The following OR51B5 variants were observed in gnomAD, a reference collection of about 807,000 sequenced individuals.
OR51B5 encodes the protein olfactory receptor 51B5.
For missense variants in OR51B5, 456 were observed against 374.6 expected (o/e 1.22, Z -1.79); for synonymous variants, 186 against 144.8 (o/e 1.28, Z -2.04).
intron 1 of OR51B5, among the ~76,000 whole-genome samples, chr11:5,462,515 G>A (rs188435245): frequency 7.6e-4 from 116 of 152,272 alleles, no homozygotes; most frequent in African/African-American, 2.7e-3. Flanking sequence ...CTCTACTATG[G>A]CAAGAACTTC....
chr11:5,395,588 A>C (rs1399047345), intron 1 of OR51B5, among the ~76,000 whole-genome samples: 1 of 152,172 alleles, frequency 6.6e-6, no homozygotes, highest in East Asian at 1.9e-4. Context: ...GCAGGCAAGG[A>C]AACATAATCT....
intron 1 of OR51B5, chr11:5,454,486 G>GTCATCA (rs897121807): frequency 7.7e-7 from 1 of 1,292,992 alleles, no homozygotes; most frequent in African/African-American, 1.5e-5. Context: ...CAGTAGCATC[G>GTCATCA]TCATCATCAT....
At chr11:5,433,271 GA>G (rs151137401) in intron 1 of OR51B5, among the ~76,000 whole-genome samples, 3,054 of 152,300 alleles carry the variant, frequency 0.02, 91 homozygotes, top group African/African-American at 0.064. Context: ...ATCCCAGTCA[GA>G]AGGTTGAAAT....
chr11:5,385,754 CA>C (rs1849680929), intron 1 of OR51B5, among the ~76,000 whole-genome samples: 2 of 148,614 alleles, frequency 1.3e-5, no homozygotes, highest in African/African-American at 2.5e-5. Flanking sequence ...TATTTGTTTA[CA>C]TATATAAATA....
rs182811387 is a variant in OR51B5 at position 5,457,093 on chromosome 11, T to C, written n.84+48476A>G. ...AATGTGAAAATGAATTAATACAGCA[T>C]AGTACCCCAAAGGTAGTTTTTTGAA... On this transcript the variant is annotated intron_variant and non_coding_transcript_variant, in intron 1 of 4. Transcript: ENST00000415970. Among the ~76,000 whole-genome samples the C allele has an allele frequency of 1.1e-4, 17 of 152,316 alleles. No individual in the cohort carries two copies. The East Asian group carries it at 3.3e-3, about 29-fold the overall frequency.
intron 1 of OR51B5, chr11:5,441,268 C>T (rs149139738): frequency 1.0e-3 from 1,649 of 1,613,934 alleles, no homozygotes; most frequent in Non-Finnish European, 1.3e-3. Context: ...GTAGAAATCA[C>T]AGTGGGAAGT....
At chr11:5,424,824 T>C (rs1167045303) in intron 1 of OR51B5, among the ~76,000 whole-genome samples, 2 of 76,130 alleles carry the variant, frequency 2.6e-5, no homozygotes, top group African/African-American at 9.1e-5. Flanking sequence ...TACTAAAAAA[T>C]AGAAAAAATT....
At chr11:5,488,710 T>A (rs777584613) in intron 1 of OR51B5, 1 of 1,610,006 alleles carries the variant, frequency 6.2e-7, no homozygotes, top group Admixed American at 1.7e-5. Context: ...AGGAAGAATG[T>A]CAGATTCCAA....
intron 1 of OR51B5, among the ~76,000 whole-genome samples, chr11:5,465,709 A>G (rs546704243): frequency 7.0e-6 from 1 of 143,348 alleles, no homozygotes; most frequent in Admixed American, 7.1e-5. Flanking sequence ...CAATGGAGAA[A>G]GGATTCCCTA....
At chr11:5,394,150 A>G (rs1485478672) in intron 1 of OR51B5, among the ~76,000 whole-genome samples, 1 of 152,150 alleles carries the variant, frequency 6.6e-6, no homozygotes, top group African/African-American at 2.4e-5. Flanking sequence ...TCTATTTTGC[A>G]TATCATGGTT....
At chr11:5,454,379 G>A in intron 1 of OR51B5, 4 of 1,612,236 alleles carry the variant, frequency 2.5e-6, no homozygotes, top group East Asian at 2.2e-5. Flanking sequence ...CCAAGACAAA[G>A]GAAATCCGCC....
chr11:5,503,234 T>C (rs7479979), intron 1 of OR51B5, among the ~76,000 whole-genome samples: 3,327 of 152,292 alleles, frequency 0.022, 119 homozygotes, highest in African/African-American at 0.073. Context: ...ATACACTCGA[T>C]TGCATGAGCA....
chr11:5,375,791 G>A (rs1849517262), intron 1 of OR51B5, among the ~76,000 whole-genome samples: 2 of 152,090 alleles, frequency 1.3e-5, no homozygotes, highest in South Asian at 4.2e-4. Context: ...CCCAATACAG[G>A]AGCACCCAGA....
chr11:5,446,174 A>G (rs1402886471), intron 1 of OR51B5, among the ~76,000 whole-genome samples: 1 of 152,142 alleles, frequency 6.6e-6, no homozygotes, highest in Non-Finnish European at 1.5e-5. Flanking sequence ...TAATGGGTGC[A>G]GCACACCAAC....
intron 1 of OR51B5, among the ~76,000 whole-genome samples, chr11:5,408,671 G>GA (rs1277581377): frequency 1.3e-4 from 19 of 151,492 alleles, no homozygotes; most frequent in South Asian, 2.1e-4. Flanking sequence ...AATGTATCCA[G>GA]AAAAAAAAGA....
At chr11:5,441,133 T>C (rs747122118) in intron 1 of OR51B5, 2 of 1,613,892 alleles carry the variant, frequency 1.2e-6, no homozygotes, top group Non-Finnish European at 1.7e-6. Flanking sequence ...GGATAACAAA[T>C]AGCCACAAAG....
chr11:5,442,999 C>A (rs1401765723), intron 1 of OR51B5, among the ~76,000 whole-genome samples: 1 of 152,100 alleles, frequency 6.6e-6, no homozygotes, highest in African/African-American at 2.4e-5. Context: ...ACTGAATTAT[C>A]TTTTCTGTCT....
At chr11:5,413,752 G>A (rs1255175360) in intron 1 of OR51B5, among the ~76,000 whole-genome samples, 11 of 152,076 alleles carry the variant, frequency 7.2e-5, no homozygotes, top group African/African-American at 2.2e-4. Context: ...AAAAAGAAAC[G>A]AGCAAAGCCT....
intron 1 of OR51B5, among the ~76,000 whole-genome samples, chr11:5,372,667 G>A (rs750990909): frequency 6.6e-6 from 1 of 152,096 alleles, no homozygotes; most frequent in African/African-American, 2.4e-5. Context: ...TATTAGACTT[G>A]TATCAGATAT....
Sources: gnomAD v4.1 joint callset for allele counts (sites outside exome capture counted in the v4.1 genomes callset) on GRCh38, gnomAD v4.1.1 for gene constraint, MANE v1.5 for transcripts, NCBI Gene and HGNC (gene_info 2026-07-23, HGNC 2026-07-21) for gene names.